The following ATAD3B variants were observed in gnomAD, a reference collection of about 807,000 sequenced individuals.
ATAD3B encodes the protein ATPase family AAA domain-containing protein 3B.
Under a neutral mutation model 70.2 loss-of-function variants are expected in ATAD3B, and 59 were observed. That is an observed-to-expected ratio of 0.84 (90% CI 0.68 to 1.04). The LOEUF is 1.04. ATAD3B is among the 50% of genes least tolerant of loss of function. The pLI, the probability that ATAD3B is intolerant of heterozygous loss-of-function variation, is 0.00. For missense variants in ATAD3B, 961 were observed against 913.4 expected (o/e 1.05, Z -0.67); for synonymous variants, 423 against 388.6 (o/e 1.09, Z -1.04).
intron 15 of ATAD3B, among the ~76,000 whole-genome samples, chr1:1,493,138 G>T (rs1322422533): frequency 2.6e-5 from 4 of 151,904 alleles, no homozygotes; most frequent in African/African-American, 7.2e-5. Flanking sequence ...TAATAATTTG[G>T]CTTGGCACGG....
At chr1:1,477,798 C>T (rs1374265958) in intron 2 of ATAD3B, among the ~76,000 whole-genome samples, 2 of 151,804 alleles carry the variant, frequency 1.3e-5, no homozygotes, top group Admixed American at 6.6e-5. Context: ...CTCCGCCTCC[C>T]GGGTTCAAGC....
chr1:1,484,059 G>A (rs1387853087), intron 7 of ATAD3B: 1 of 152,164 alleles, frequency 6.6e-6, no homozygotes, highest in Non-Finnish European at 1.5e-5. Context: ...CAGCAGGCCA[G>A]AGCCTGGGCA....
chr1:1,489,684 C>T (rs1361457633), intron 13 of ATAD3B: 6 of 1,318,028 alleles, frequency 4.6e-6, no homozygotes, highest in Non-Finnish European at 6.0e-6. Flanking sequence ...TCTCCTGGGC[C>T]CCTCCAGCCC....
At chr1:1,491,871 C>A (rs1640557149) in intron 15 of ATAD3B, among the ~76,000 whole-genome samples, 1 of 151,944 alleles carries the variant, frequency 6.6e-6, no homozygotes. Flanking sequence ...CACTTGGAAC[C>A]AGGTCTGTTT....
In ATAD3B at chr1:1,473,025, A is replaced by G. The variant is rs1213008955; in HGVS notation, c.205+936A>G. ...ATCTTTAGTAGAGACGGGTTTCACC[A>G]TGTTGGCCAGGGTGCTCTCCAACTC... On this transcript the variant is annotated intron_variant, in intron 1 of 15. Coordinates refer to ENST00000673477, the MANE Select transcript of ATAD3B (RefSeq NM_031921.6). Among the ~76,000 whole-genome samples, 9 of 149,690 alleles carry G rather than the reference A, an allele frequency of 6.0e-5. 1 individual carries two copies. The highest frequency in any genetic ancestry group is 2.1e-4 in the South Asian group (1 of 4,702).
At position 1,490,174 on chromosome 1, in the gene ATAD3B, C is replaced by T. The variant is rs537368072; in HGVS notation, c.1338-83C>T. 129 of 1,548,822 alleles carry T rather than the reference C, an allele frequency of 8.3e-5. 1 individual carries two copies. In the Admixed American group the frequency reaches 1.3e-3, roughly 16 times the overall value. ...TTTAGATTCTCCCAAAAAGTCTCCC[C>T]GAGGGGGCTGAGGAGCCCCCGTTGC... On this transcript the variant is annotated intron_variant, in intron 13 of 15. Coordinates refer to ENST00000673477, the MANE Select transcript of ATAD3B (RefSeq NM_031921.6).
At chr1:1,490,483 C>T in intron 14 of ATAD3B, 59 bp downstream of exon 14, 1 of 1,610,724 alleles carries the variant, frequency 6.2e-7, no homozygotes, top group Non-Finnish European at 8.5e-7. Flanking sequence ...GGGTGTAGGC[C>T]AGCTGCCTGT....
At position 1,495,413 on chromosome 1, in the gene ATAD3B, C is replaced by T. The variant is rs919162580; in HGVS notation, c.1615-72C>T. 3.9e-5 allele frequency: 59 copies of T among 1,523,786 alleles called. 3 individuals carry two copies. Among genetic ancestry groups the T allele is most frequent in the Admixed American group, 1.0e-4 (5 of 47,720 alleles). The allele number at this position is 1,523,786 out of a possible 1,614,324, so 94.4% of individuals were successfully genotyped here. ...CCCCTGGTTTGGCCCCTCCCCACCT[C>T]GGGGCCCTGGCGTGCATTAAGGGTG... On this transcript the variant is annotated intron_variant, in intron 15 of 15. Transcript: ENST00000673477.
In ATAD3B at chr1:1,490,402, A is replaced by T; in HGVS notation, c.1483A>T (p.Lys495Ter). 1 of 1,613,402 alleles carries T rather than the reference A, an allele frequency of 6.2e-7. No homozygotes were observed. Among genetic ancestry groups the T allele is most frequent in the South Asian group, 1.1e-5 (1 of 91,018 alleles). ...ACTGCATTTTGACAACTGTGTTCTT[A>T]AGCCGGCCACAGAAGGAAAACGGTG... ...VRLHFDNCVL[K>*]PATEGKRRLK... is the part of the protein sequence containing the mutation. Residue 495 changes from lysine to a stop codon, truncating the protein, a stop_gained, in exon 14 of 16, where the codon AAG becomes TAG. Transcript: ENST00000673477. LOFTEE classifies it high-confidence loss of function.
the ATAD3B span, among the ~76,000 whole-genome samples, chr1:1,505,375 A>T: frequency 6.6e-6 from 1 of 152,188 alleles, no homozygotes; most frequent in East Asian, 1.9e-4. Context: ...GGTGTACAGG[A>T]TGGAACGTGA....
chr1:1,486,635 A>G lies in ATAD3B; in HGVS notation c.1181A>G (p.Lys394Arg), dbSNP rs1199485033. Residue 394 changes from lysine to arginine, a missense_variant, in exon 11 of 16, where the codon AAG becomes AGG. Physicochemically the swap from Lys to Arg is conservative, Grantham distance 26. Transcript: ENST00000673477. Reference protein sequence around the residue: ...MGREGVTAMHKLFDWANTSRR... With the variant: ...MGREGVTAMHRLFDWANTSRR... ...CGGGAAGGCGTGACCGCCATGCACA[A>G]GCTCTTTGACTGGGCCAATACCAGC... 6.2e-7 allele frequency: 1 copy of G among 1,610,020 alleles called. No homozygotes were observed. The highest frequency in any genetic ancestry group is 1.7e-5 in the Admixed American group (1 of 59,778).
rs759392583 is a variant in ATAD3B, at chr1:1,482,286, C to T, written c.663C>T (p.Thr221=). The T allele has an allele frequency of 1.2e-5, 19 of 1,609,518 alleles. No homozygotes were observed. Among genetic ancestry groups the T allele is most frequent in the Admixed American group, 6.7e-5 (4 of 59,762 alleles). Residue 221 remains threonine, a synonymous_variant, in exon 6 of 16, where the codon ACC becomes ACT. Transcript: ENST00000673477. ...TGAAGGCGTCCGAGCACCGTCAGAC[C>T]GTCTTGGAGTCCATCAGGTGAGCAC... ...IRLKASEHRQ[T]VLESIRTAGT... is the part of the protein sequence containing the mutation.
intron 13 of ATAD3B, 190 bp from the exon 14 acceptor site, chr1:1,490,067 C>T: frequency 1.4e-6 from 2 of 1,417,424 alleles, no homozygotes; most frequent in Non-Finnish European, 1.8e-6. Context: ...CGGGGGGCAG[C>T]TGGGCGTGGT....
At chr1:1,489,329 C>G in intron 13 of ATAD3B, 55 bp downstream of exon 13, 1 of 1,610,832 alleles carries the variant, frequency 6.2e-7, no homozygotes, top group Non-Finnish European at 8.5e-7. Flanking sequence ...AGCCGTCGCC[C>G]TTGGTTCCCA....
intron 1 of ATAD3B, among the ~76,000 whole-genome samples, chr1:1,472,654 G>A (rs1345592984): frequency 6.6e-6 from 1 of 152,102 alleles, no homozygotes; most frequent in Non-Finnish European, 1.5e-5. Flanking sequence ...CCCTCAGGGT[G>A]TGAGCACTGA....
At chr1:1,485,999 TG>T (rs1640191256) in intron 9 of ATAD3B, 110 bp from the exon 10 acceptor site, 1 of 1,592,244 alleles carries the variant, frequency 6.3e-7, no homozygotes, top group Non-Finnish European at 8.6e-7. Context: ...GCCCACGAGC[TG>T]GGCGGCTTCC....
chr1:1,495,357 G>A (rs28394081), intron 15 of ATAD3B, 128 bp from the exon 16 acceptor site: 62,626 of 1,297,344 alleles, frequency 0.048, 8,965 homozygotes, highest in East Asian at 0.46. Flanking sequence ...GGTGTGGGAA[G>A]CCTGTGTTTC....
intron 13 of ATAD3B, chr1:1,489,984 C>A: frequency 1.5e-6 from 2 of 1,308,944 alleles, no homozygotes; most frequent in South Asian, 1.5e-5. Flanking sequence ...GTTCCCGGCA[C>A]TGCCTATCAG....
intron 15 of ATAD3B, among the ~76,000 whole-genome samples, chr1:1,492,434 T>C (rs1640584578): frequency 6.6e-6 from 1 of 151,748 alleles, no homozygotes; most frequent in African/African-American, 2.4e-5. Flanking sequence ...TGCGGTGAGC[T>C]GAGATCATGC....
Sources: allele counts gnomAD v4.1 joint callset (sites outside exome capture counted in the v4.1 genomes callset), GRCh38; gene constraint gnomAD v4.1.1; transcripts MANE v1.5; gene names NCBI Gene and HGNC (gene_info 2026-07-23, HGNC 2026-07-21).